The following OLFM2 variants were observed in gnomAD, a reference collection of about 807,000 sequenced individuals.
OLFM2 encodes the protein olfactomedin 2.
Under a neutral mutation model 43.9 loss-of-function variants are expected in OLFM2, and 20 were observed. That is an observed-to-expected ratio of 0.46 (90% CI 0.32 to 0.66). The LOEUF is 0.66. Among genes scored for constraint, OLFM2 ranks in the 30% least tolerant of loss-of-function variants. The pLI is 0.04. For missense variants in OLFM2, 416 were observed against 643.6 expected, an observed-to-expected ratio of 0.65 and a Z score of 3.83; for synonymous variants, 268 against 278.6, an observed-to-expected ratio of 0.96 and a Z score of 0.38.
intron 1 of OLFM2, among the ~76,000 whole-genome samples, chr19:9,901,205 C>A (rs551067724): frequency 2.4e-5 from 3 of 125,816 alleles, no homozygotes; most frequent in African/African-American, 6.1e-5. Flanking sequence ...GGAAAGAGGA[C>A]GGAAAGAAAG....
intron 1 of OLFM2, among the ~76,000 whole-genome samples, chr19:9,891,060 T>C (rs1359327722): frequency 6.6e-6 from 1 of 152,158 alleles, no homozygotes; most frequent in Non-Finnish European, 1.5e-5. Context: ...ACACTTGTAA[T>C]CCCAGCACTT....
chr19:9,866,794 C>T (rs535370661), intron 1 of OLFM2, among the ~76,000 whole-genome samples: 1 of 152,180 alleles, frequency 6.6e-6, no homozygotes, highest in Admixed American at 6.5e-5. Context: ...CACGACGGCC[C>T]TGCCAACCCA....
At chr19:9,890,328 G>A (rs1599483366) in intron 1 of OLFM2, among the ~76,000 whole-genome samples, 1 of 152,172 alleles carries the variant, frequency 6.6e-6, no homozygotes, top group Admixed American at 6.6e-5. Flanking sequence ...ACAGAGACAG[G>A]GAGATCCCCC....
intron 1 of OLFM2, among the ~76,000 whole-genome samples, chr19:9,871,041 A>C (rs2046437712): frequency 6.6e-6 from 1 of 152,082 alleles, no homozygotes; most frequent in Non-Finnish European, 1.5e-5. Context: ...AGGTCATGTC[A>C]GGCAGATCAC....
chr19:9,923,566 A>G (rs1568387721), intron 1 of OLFM2, among the ~76,000 whole-genome samples: 1 of 151,342 alleles, frequency 6.6e-6, no homozygotes, highest in East Asian at 1.9e-4. Context: ...GGAAAAAAAA[A>G]AAAAGAAAGA....
At chr19:9,913,655 C>T (rs1234872936) in intron 1 of OLFM2, 2 of 1,189,806 alleles carry the variant, frequency 1.7e-6, no homozygotes, top group Non-Finnish European at 2.1e-6. Context: ...GCCCGCCGCG[C>T]GTCCCTTCTC....
At chr19:9,890,915 C>T (rs2046633301) in intron 1 of OLFM2, among the ~76,000 whole-genome samples, 1 of 151,984 alleles carries the variant, frequency 6.6e-6, no homozygotes, top group Admixed American at 6.6e-5. Flanking sequence ...GATCACACCA[C>T]TGCACTCCAG....
At chr19:9,907,484 CAAAT>C (rs989933425) in intron 1 of OLFM2, among the ~76,000 whole-genome samples, 5 of 151,344 alleles carry the variant, frequency 3.3e-5, no homozygotes, top group South Asian at 2.1e-4. Flanking sequence ...AACAAACAAA[CAAAT>C]AAATAAATAA....
At chr19:9,863,469 T>C (rs769675907) in intron 1 of OLFM2, among the ~76,000 whole-genome samples, 3 of 152,002 alleles carry the variant, frequency 2.0e-5, no homozygotes, top group Admixed American at 6.6e-5. Flanking sequence ...CAGGTGATGA[T>C]GGGTGGTGGC....
intron 1 of OLFM2, among the ~76,000 whole-genome samples, chr19:9,912,504 T>A (rs912479265): frequency 2.0e-5 from 3 of 151,940 alleles, no homozygotes; most frequent in Non-Finnish European, 4.4e-5. Flanking sequence ...CCCAAACAGA[T>A]GGAACAGGGG....
chr19:9,899,295 C>G (rs1374939438), intron 1 of OLFM2, among the ~76,000 whole-genome samples: 1 of 151,796 alleles, frequency 6.6e-6, no homozygotes, highest in East Asian at 1.9e-4. Flanking sequence ...TAAAAGCCAA[C>G]AGTTCACTGT....
At chr19:9,933,409 T>C (rs1458042738) in intron 1 of OLFM2, among the ~76,000 whole-genome samples, 2 of 151,878 alleles carry the variant, frequency 1.3e-5, no homozygotes. Context: ...GCTAATTTTT[T>C]GCATTTTTAG....
chr19:9,853,795 C>T lies in OLFM2; in HGVS notation c.*391G>A, dbSNP rs2046289466. 3.0e-5 allele frequency: 13 copies of T among 427,838 alleles called. No individual in the cohort carries two copies. The highest frequency in any genetic ancestry group is 5.9e-4 in the Middle Eastern group (1 of 1,682). The allele number at this position is 427,838 out of a possible 1,614,324, so 26.5% of individuals were successfully genotyped here. Reference sequence around the variant, plus strand: ...ATAAAAAAAGAAACAGATCCATGCACTCAACTCCTGGGGGTGGGGGTGGGG... The same window carrying T: ...ATAAAAAAAGAAACAGATCCATGCATTCAACTCCTGGGGGTGGGGGTGGGG... On this transcript the variant is annotated 3_prime_UTR_variant, in exon 6 of 6. Coordinates refer to ENST00000264833, the MANE Select transcript of OLFM2 (RefSeq NM_058164.4).
intron 1 of OLFM2, among the ~76,000 whole-genome samples, chr19:9,914,417 T>C (rs1428018442): frequency 6.6e-6 from 1 of 152,028 alleles, no homozygotes; most frequent in East Asian, 1.9e-4. Flanking sequence ...CTTCGGTCAT[T>C]TCGTGCCCCC....
chr19:9,934,069 A>G (rs561382319), intron 1 of OLFM2, among the ~76,000 whole-genome samples: 21 of 152,242 alleles, frequency 1.4e-4, no homozygotes, highest in Non-Finnish European at 2.2e-4. Context: ...GGATTAACCA[A>G]TGATTTCTAG....
intron 1 of OLFM2, among the ~76,000 whole-genome samples, chr19:9,934,182 C>T (rs974273621): frequency 1.2e-4 from 19 of 152,178 alleles, no homozygotes; most frequent in African/African-American, 4.6e-4. Flanking sequence ...CCTCCCTTCC[C>T]TGGGGTGCCA....
At chr19:9,905,692 T>A (rs1170675529) in intron 1 of OLFM2, among the ~76,000 whole-genome samples, 1 of 151,698 alleles carries the variant, frequency 6.6e-6, no homozygotes, top group Non-Finnish European at 1.5e-5. Flanking sequence ...GCCGGAAAGA[T>A]TCAGATTGGC....
intron 1 of OLFM2, among the ~76,000 whole-genome samples, chr19:9,878,325 T>C (rs913805914): frequency 6.6e-6 from 1 of 151,452 alleles, no homozygotes; most frequent in Non-Finnish European, 1.5e-5. Flanking sequence ...GCTTCAATCT[T>C]GGCTCTGTGT....
At chr19:9,855,356 T>C (rs1216168478) in intron 5 of OLFM2, among the ~76,000 whole-genome samples, 1 of 151,204 alleles carries the variant, frequency 6.6e-6, no homozygotes, top group Non-Finnish European at 1.5e-5. Context: ...TTCTCCTGCC[T>C]CAGCCTCCTG....
Sources: gnomAD v4.1 joint callset for allele counts (sites outside exome capture counted in the v4.1 genomes callset) on GRCh38, gnomAD v4.1.1 for gene constraint, MANE v1.5 for transcripts, NCBI Gene and HGNC (gene_info 2026-07-23, HGNC 2026-07-21) for gene names.